ARHGAP8: variants seen among roughly 807,000 people sequenced by gnomAD.
ARHGAP8 encodes the protein rho GTPase-activating protein 8.
Under a neutral mutation model 46.1 loss-of-function variants are expected in ARHGAP8, and 62 were observed. The observed-to-expected ratio is 1.34, with a 90% CI of 1.10 to 1.66. ARHGAP8 has a LOEUF of 1.66. Ranked by LOEUF, ARHGAP8 falls within the 40% of genes most tolerant of loss-of-function variation. The probability of loss-of-function intolerance (pLI) is 0.00; values close to 1 mark genes in which losing one functional copy is unlikely to be tolerated. For missense variants in ARHGAP8, 923 were observed against 568.4 expected (o/e 1.62, Z -6.34); for synonymous variants, 375 against 243.1 (o/e 1.54, Z -5.05).
At chr22:44,825,729 T>C (rs1602230442) in intron 7 of ARHGAP8, 136 bp downstream of exon 7, 2 of 1,108,594 alleles carry the variant, frequency 1.8e-6, no homozygotes, top group Non-Finnish European at 2.5e-6. Flanking sequence ...AGATAAAGCC[T>C]GAGCTCATCA....
intron 1 of ARHGAP8, among the ~76,000 whole-genome samples, chr22:44,766,554 G>A (rs1486460681): frequency 6.6e-6 from 1 of 152,120 alleles, no homozygotes; most frequent in East Asian, 1.9e-4. Flanking sequence ...CTGCATGTGG[G>A]CATGCGTGTC....
At chr22:44,821,916 G>C (rs1016279942) in intron 5 of ARHGAP8, among the ~76,000 whole-genome samples, 1 of 151,356 alleles carries the variant, frequency 6.6e-6, no homozygotes, top group Non-Finnish European at 1.5e-5. Context: ...CCTCTCCTTA[G>C]AAGAGGTGGC....
intron 2 of ARHGAP8, among the ~76,000 whole-genome samples, chr22:44,788,860 C>CTAG (rs1927466742): frequency 6.6e-6 from 1 of 152,156 alleles, no homozygotes; most frequent in African/African-American, 2.4e-5. Context: ...AGTTTGAGAA[C>CTAG]TAGTACACTT....
At chr22:44,830,431 G>T (rs1930864128) in intron 7 of ARHGAP8, among the ~76,000 whole-genome samples, 1 of 151,550 alleles carries the variant, frequency 6.6e-6, no homozygotes. Context: ...TTCCAGTTCG[G>T]ATGATTCTCC....
intron 3 of ARHGAP8, among the ~76,000 whole-genome samples, chr22:44,803,679 G>GTGCACACACCCCTTCCCA (rs1928726147): frequency 7.2e-5 from 2 of 27,882 alleles, no homozygotes; most frequent in Non-Finnish European, 6.3e-5. Flanking sequence ...ACCCCCTCCC[G>GTGCACACACCCCTTCCCA]TGCACACACC....
intron 2 of ARHGAP8, among the ~76,000 whole-genome samples, chr22:44,789,097 G>C (rs1927482090): frequency 6.6e-6 from 1 of 152,122 alleles, no homozygotes; most frequent in African/African-American, 2.4e-5. Flanking sequence ...TCTTCCTTTA[G>C]TTCAGTCCGT....
At chr22:44,858,716 TGTGGTTATAA>T (rs2070320088) in intron 10 of ARHGAP8, among the ~76,000 whole-genome samples, 1 of 143,832 alleles carries the variant, frequency 7.0e-6, no homozygotes, top group Non-Finnish European at 1.5e-5. Flanking sequence ...CAGTGGTAGA[TGTGGTTATAA>T]GGGTAACTGG....
At chr22:44,853,092 G>A (rs768061531) in intron 10 of ARHGAP8, among the ~76,000 whole-genome samples, 17 of 149,148 alleles carry the variant, frequency 1.1e-4, no homozygotes, top group Non-Finnish European at 1.8e-4. Flanking sequence ...ATGAGCCACC[G>A]TGTCCGGCCT....
Position 44,862,263 on chromosome 22 carries a change from G to A in ARHGAP8, c.982-12G>A. On this transcript the variant is annotated splice_polypyrimidine_tract_variant and intron_variant, in intron 11 of 11. Coordinates refer to ENST00000356099, the MANE Select transcript of ARHGAP8 (RefSeq NM_181335.3). ...TGTTCACTCCCCTTTACTTGTGTGT[G>A]GTTTCCTCCAGGTGTCCCGGGAGAG... 2 of 1,578,648 alleles carry A rather than the reference G, an allele frequency of 1.3e-6. No homozygotes were observed. Among genetic ancestry groups the A allele is most frequent in the South Asian group, 2.3e-5 (2 of 85,974 alleles).
chr22:44,819,785 A>G (rs1478306469), intron 5 of ARHGAP8, among the ~76,000 whole-genome samples: 3 of 152,182 alleles, frequency 2.0e-5, no homozygotes, highest in African/African-American at 4.8e-5. Context: ...AGTCAGCCAC[A>G]TTTTCCCCAT....
At chr22:44,783,602 GCTC>G (rs1476587869) in intron 1 of ARHGAP8, among the ~76,000 whole-genome samples, 1 of 152,132 alleles carries the variant, frequency 6.6e-6, no homozygotes, top group East Asian at 1.9e-4. Context: ...TCATGCCTCT[GCTC>G]CACCGCACTA....
intron 10 of ARHGAP8, among the ~76,000 whole-genome samples, chr22:44,854,044 A>C (rs1013147318): frequency 4.1e-5 from 6 of 146,282 alleles, no homozygotes; most frequent in South Asian, 2.2e-4. Context: ...AAAAAAAAAA[A>C]AAAAAAAAAA....
At chr22:44,850,530 GGAT>G (rs1489911344) in intron 10 of ARHGAP8, 1 of 152,124 alleles carries the variant, frequency 6.6e-6, no homozygotes, top group Non-Finnish European at 1.5e-5. Context: ...CCCTGCAGAG[GGAT>G]GATGACTCCA....
chr22:44,776,176 C>T (rs528549155), intron 1 of ARHGAP8, among the ~76,000 whole-genome samples: 2 of 152,260 alleles, frequency 1.3e-5, no homozygotes, highest in East Asian at 1.9e-4. Flanking sequence ...TCCAGCCAGG[C>T]GCAGTGGCTC....
intron 4 of ARHGAP8, chr22:44,809,640 C>G (rs969969610): frequency 2.3e-5 from 4 of 170,420 alleles, no homozygotes; most frequent in African/African-American, 9.6e-5. Flanking sequence ...CAACGCTACT[C>G]ACCGCTTGGC....
At chr22:44,765,174 T>C (rs1472617956) in intron 1 of ARHGAP8, 2 of 152,192 alleles carry the variant, frequency 1.3e-5, no homozygotes, top group African/African-American at 4.8e-5. Flanking sequence ...GGGGTTTGCA[T>C]GTGACAGGGA....
chr22:44,764,586 C>G (rs1925406752), intron 1 of ARHGAP8, among the ~76,000 whole-genome samples: 2 of 152,206 alleles, frequency 1.3e-5, no homozygotes, highest in Non-Finnish European at 2.9e-5. Context: ...AGACGCAGCT[C>G]TCTGCCAACT....
intron 1 of ARHGAP8, among the ~76,000 whole-genome samples, chr22:44,771,795 T>A (rs1041860329): frequency 5.9e-5 from 9 of 151,940 alleles, no homozygotes; most frequent in African/African-American, 1.7e-4. Context: ...CCTCAGGTGA[T>A]CCACCCGCCT....
At chr22:44,852,213 AAAAAGGAAGGGAGG>A (rs2070113256) in intron 10 of ARHGAP8, among the ~76,000 whole-genome samples, 1 of 143,536 alleles carries the variant, frequency 7.0e-6, no homozygotes, top group Non-Finnish European at 1.5e-5. Flanking sequence ...AAAAAAAAAA[AAAAAGGAAGGGAGG>A]AAGGAAGGTG....
Sources: gnomAD v4.1 joint callset for allele counts (sites outside exome capture counted in the v4.1 genomes callset) on GRCh38, gnomAD v4.1.1 for gene constraint, MANE v1.5 for transcripts, NCBI Gene and HGNC (gene_info 2026-07-23, HGNC 2026-07-21) for gene names.